Variants in RIN2 observed in about 807,000 individuals in gnomAD.
RIN2 encodes Ras and Rab interactor 2.
In RIN2, 36 loss-of-function variants were observed where a neutral mutation model predicts 78.0. That is an observed-to-expected ratio of 0.46 (90% CI 0.35 to 0.61). The LOEUF (loss-of-function observed/expected upper bound fraction) is 0.61, where lower values mean the gene tolerates loss of function less well. Among genes scored for constraint, RIN2 ranks in the 20% least tolerant of loss-of-function variants. RIN2 has a pLI of 0.00. For synonymous variants in RIN2, 466 were observed against 466.8 expected (o/e 1.00, Z 0.02); for missense variants, 1,087 against 1,159.7 (o/e 0.94, Z 0.91).
At chr20:19,890,411 A>G (rs1260372962) in intron 3 of RIN2, among the ~76,000 whole-genome samples, 1 of 152,096 alleles carries the variant, frequency 6.6e-6, no homozygotes, top group Non-Finnish European at 1.5e-5. Flanking sequence ...CATCCTCAGT[A>G]TAGAAAATTT....
chr20:19,944,477 T>C (rs1193005715), intron 4 of RIN2, among the ~76,000 whole-genome samples: 1 of 152,174 alleles, frequency 6.6e-6, no homozygotes, highest in Non-Finnish European at 1.5e-5. Flanking sequence ...GTCTCATCCT[T>C]GATTCATAAG....
chr20:19,842,667 GT>G (rs1479439643), intron 2 of RIN2, among the ~76,000 whole-genome samples: 1 of 152,044 alleles, frequency 6.6e-6, no homozygotes, highest in African/African-American at 2.4e-5. Context: ...CCACCCAAGA[GT>G]TCTAACTGAG....
rs1555818731 is a variant in RIN2, at chr20:19,788,439, A to AAAACAAAAACAAAAACAAAC, written c.-162-11180_-162-11179insCAAAAACAAAAACAAACAAA. On this transcript the variant is annotated intron_variant, in intron 1 of 12. Coordinates refer to ENST00000255006, the MANE Select transcript of RIN2 (RefSeq NM_018993.4). The stretch of plus-strand genomic sequence containing the variant: ...GCGAAATCCTGTCTCTGCCAAAAAA[A>AAAACAAAAACAAAAACAAAC]AAAAAAAAAACAACTAGCTAGGCAT... 9.0e-5 allele frequency among the ~76,000 whole-genome samples: 12 copies of AAAACAAAAACAAAAACAAAC among 132,994 alleles called. 1 individual carries two copies. Among genetic ancestry groups the AAAACAAAAACAAAAACAAAC allele is most frequent in the African/African-American group, 2.3e-4 (7 of 30,542 alleles). The allele number at this position is 132,994 out of a possible 152,430, so 87.2% of individuals were successfully genotyped here.
chr20:19,997,621 T>C (rs1200005832), intron 12 of RIN2, among the ~76,000 whole-genome samples: 3 of 151,988 alleles, frequency 2.0e-5, no homozygotes, highest in African/African-American at 4.8e-5. Flanking sequence ...TAGCTGGGTG[T>C]AGTGGCAGGC....
intron 2 of RIN2, among the ~76,000 whole-genome samples, chr20:19,808,191 T>C (rs57427789): frequency 0.037 from 5,696 of 152,350 alleles, 242 homozygotes; most frequent in African/African-American, 0.1. Flanking sequence ...GCCTTATGCG[T>C]GCCGTTAAGA....
intron 8 of RIN2, among the ~76,000 whole-genome samples, chr20:19,974,132 C>A (rs1028731211): frequency 6.6e-6 from 1 of 152,124 alleles, no homozygotes; most frequent in Non-Finnish European, 1.5e-5. Context: ...TGTGTAAAAC[C>A]CTAGGCAGAT....
At chr20:19,801,385 A>G (rs189739060) in intron 2 of RIN2, among the ~76,000 whole-genome samples, 118 of 152,024 alleles carry the variant, frequency 7.8e-4, no homozygotes, top group Non-Finnish European at 1.4e-3. Flanking sequence ...CAGTGGCGCA[A>G]TGTCGGCTCA....
chr20:19,959,610 G>C (rs1568663762), intron 5 of RIN2, among the ~76,000 whole-genome samples: 1 of 152,178 alleles, frequency 6.6e-6, no homozygotes, highest in Admixed American at 6.5e-5. Context: ...ATATCAACTG[G>C]AGATAAAGAG....
chr20:19,854,233 G>A (rs1202675191), intron 2 of RIN2, among the ~76,000 whole-genome samples: 1 of 152,080 alleles, frequency 6.6e-6, no homozygotes, highest in East Asian at 1.9e-4. Context: ...TGTTCCATTG[G>A]TCTATATCTC....
intron 2 of RIN2, among the ~76,000 whole-genome samples, chr20:19,835,091 A>G (rs202134643): frequency 0.011 from 1,274 of 114,014 alleles, 16 homozygotes; most frequent in African/African-American, 0.032. Context: ...GAAAGAGAAA[A>G]AGAAAGAAGA....
chr20:19,898,558 A>G (rs931514225), intron 3 of RIN2, among the ~76,000 whole-genome samples: 2 of 152,256 alleles, frequency 1.3e-5, no homozygotes, highest in African/African-American at 4.8e-5. Flanking sequence ...TTTGTAGTCA[A>G]CTTAGAAAGG....
chr20:19,822,483 C>A (rs1016719004), intron 2 of RIN2, among the ~76,000 whole-genome samples: 6 of 152,172 alleles, frequency 3.9e-5, no homozygotes, highest in African/African-American at 1.4e-4. Flanking sequence ...AACAGATATC[C>A]TGATTTCATC....
intron 2 of RIN2, among the ~76,000 whole-genome samples, chr20:19,835,003 A>G (rs1482880698): frequency 6.6e-6 from 1 of 152,018 alleles, no homozygotes; most frequent in Non-Finnish European, 1.5e-5. Context: ...AAAGAGAGAG[A>G]GAGAAAGAAA....
intron 2 of RIN2, among the ~76,000 whole-genome samples, chr20:19,879,021 C>A (rs2037940592): frequency 6.6e-6 from 1 of 152,172 alleles, no homozygotes; most frequent in Admixed American, 6.5e-5. Flanking sequence ...GAGAGGAAAA[C>A]CCTAAGCTTC....
At chr20:19,920,862 G>A (rs1470874845) in intron 3 of RIN2, among the ~76,000 whole-genome samples, 1 of 152,110 alleles carries the variant, frequency 6.6e-6, no homozygotes, top group Non-Finnish European at 1.5e-5. Context: ...TAGTGGAGAC[G>A]GGGTTTCACC....
intron 3 of RIN2, among the ~76,000 whole-genome samples, chr20:19,903,262 T>C (rs904127430): frequency 6.6e-6 from 1 of 152,080 alleles, no homozygotes; most frequent in Non-Finnish European, 1.5e-5. Context: ...TAAAGGGAGC[T>C]TGAGGGATCA....
At chr20:19,957,010 C>T (rs1468675620) in intron 5 of RIN2, among the ~76,000 whole-genome samples, 1 of 152,208 alleles carries the variant, frequency 6.6e-6, no homozygotes, top group Non-Finnish European at 1.5e-5. Context: ...TCTTTATCTG[C>T]TCAGTTACCA....
In RIN2 at chr20:19,996,710, A is replaced by G. The variant is rs2042978715; in HGVS notation, c.2232A>G (p.Ala744=). The G allele has an allele frequency of 1.9e-6, 3 of 1,614,034 alleles. No individual in the cohort carries two copies. Among genetic ancestry groups the G allele is most frequent in the Non-Finnish European group, 1.7e-6 (2 of 1,179,898 alleles). Residue 744 remains alanine (A), a synonymous_variant, in exon 12 of 13, where the codon GCA becomes GCG. Transcript: ENST00000255006. ...ATTACTTGACAAGCGCATATGGAGC[A>G]CTTTCTCTGATAAAGAATTTCCAAG... is the stretch of plus-strand genomic sequence containing the variant. ...GGYYLTSAYG[A]LSLIKNFQEE... is the part of the protein sequence containing the mutation.
intron 2 of RIN2, among the ~76,000 whole-genome samples, chr20:19,875,048 C>G (rs928634227): frequency 8.6e-5 from 13 of 151,716 alleles, no homozygotes; most frequent in African/African-American, 3.1e-4. Context: ...TTTAGTAGAG[C>G]TGGGGTTTTG....
Sources: allele counts gnomAD v4.1 joint callset (sites outside exome capture counted in the v4.1 genomes callset), GRCh38; gene constraint gnomAD v4.1.1; transcripts MANE v1.5; gene names NCBI Gene and HGNC (gene_info 2026-07-23, HGNC 2026-07-21).